Variants in NKAIN2 observed in about 807,000 individuals in gnomAD.
The protein encoded by NKAIN2 is sodium/potassium transporting ATPase interacting 2.
NKAIN2 carries 14 observed loss-of-function variants against 32.6 expected under a neutral mutation model. The ratio of observed to expected loss-of-function variants is 0.43; its 90% CI spans 0.28 to 0.67. The LOEUF is 0.67. Ranked by LOEUF, NKAIN2 falls within the 30% of genes least tolerant of loss-of-function variation. The pLI is 0.17. For missense variants in NKAIN2, 198 were observed against 258.3 expected, an observed-to-expected ratio of 0.77 and a Z score of 1.60; for synonymous variants, 80 against 87.2, an observed-to-expected ratio of 0.92 and a Z score of 0.46.
At chr6:124,358,036 T>C (rs1027869877) in intron 3 of NKAIN2, among the ~76,000 whole-genome samples, 3 of 152,222 alleles carry the variant, frequency 2.0e-5, no homozygotes, top group Non-Finnish European at 2.9e-5. Flanking sequence ...TTTGGTTTTT[T>C]GTCCTTGCAA....
At chr6:124,278,593 CAT>C (rs57946723) in intron 1 of NKAIN2, among the ~76,000 whole-genome samples, 4 of 137,292 alleles carry the variant, frequency 2.9e-5, no homozygotes, top group Admixed American at 7.6e-5. Flanking sequence ...AGCTTATATA[CAT>C]ATATATATAC....
chr6:124,626,807 C>T (rs904821396), intron 3 of NKAIN2, among the ~76,000 whole-genome samples: 3 of 152,112 alleles, frequency 2.0e-5, no homozygotes, highest in African/African-American at 7.2e-5. Flanking sequence ...TAAAAACAGA[C>T]CTAGTTTTAC....
At chr6:124,653,990 T>C (rs888983405) in intron 3 of NKAIN2, among the ~76,000 whole-genome samples, 35 of 152,110 alleles carry the variant, frequency 2.3e-4, no homozygotes, top group African/African-American at 8.2e-4. Context: ...AATGCAAATT[T>C]TGTAATATTC....
At chr6:124,607,567 A>G (rs1250472534) in intron 3 of NKAIN2, among the ~76,000 whole-genome samples, 1 of 152,154 alleles carries the variant, frequency 6.6e-6, no homozygotes, top group Non-Finnish European at 1.5e-5. Context: ...GATAGTCTCA[A>G]GCTAATGGCC....
chr6:124,049,543 G>A (rs1782308705), intron 1 of NKAIN2, among the ~76,000 whole-genome samples: 2 of 152,050 alleles, frequency 1.3e-5, no homozygotes, highest in South Asian at 4.1e-4. Flanking sequence ...CCTGTTATGT[G>A]CAGTTTTACT....
chr6:124,154,406 CTGTT>C (rs1397527054), intron 1 of NKAIN2, among the ~76,000 whole-genome samples: 1 of 151,796 alleles, frequency 6.6e-6, no homozygotes, highest in Non-Finnish European at 1.5e-5. Flanking sequence ...CATTATTTGT[CTGTT>C]TGAGACATTT....
At chr6:124,715,518 A>C (rs564533347) in intron 4 of NKAIN2, among the ~76,000 whole-genome samples, 3 of 152,344 alleles carry the variant, frequency 2.0e-5, no homozygotes, top group Admixed American at 6.5e-5. Context: ...AGATCTAGGA[A>C]GAATCCATGC....
chr6:124,783,620 C>T (rs1281351011), intron 4 of NKAIN2, among the ~76,000 whole-genome samples: 2 of 152,040 alleles, frequency 1.3e-5, no homozygotes, highest in Non-Finnish European at 2.9e-5. Flanking sequence ...AATAGTCCAG[C>T]CAGTGGATTA....
intron 1 of NKAIN2, among the ~76,000 whole-genome samples, chr6:123,846,334 T>G (rs1775089939): frequency 6.6e-6 from 1 of 152,318 alleles, no homozygotes; most frequent in African/African-American, 2.4e-5. Flanking sequence ...TAGGTTGTGC[T>G]TTTGCCTCAG....
rs541720029 is a variant in NKAIN2, at chr6:124,643,056, G to A, written c.274-15130G>A. On this transcript the variant is annotated intron_variant, in intron 3 of 6. Transcript: ENST00000368417. Reference sequence around the variant, plus strand: ...ATGACTACTATTAAATACAGCACCTGTACTGGTTGCACCACATATCTCCTG... The same window carrying A: ...ATGACTACTATTAAATACAGCACCTATACTGGTTGCACCACATATCTCCTG... 4.6e-5 allele frequency among the ~76,000 whole-genome samples: 7 copies of A among 152,208 alleles called. No individual in the cohort carries two copies. In the East Asian group the frequency reaches 1.4e-3, roughly 29 times the overall value.
chr6:124,688,689 A>G (rs534138668), intron 4 of NKAIN2, among the ~76,000 whole-genome samples: 1 of 152,062 alleles, frequency 6.6e-6, no homozygotes, highest in Admixed American at 6.6e-5. Context: ...CTGTCTCTAT[A>G]CTTCTGTCTT....
intron 5 of NKAIN2, among the ~76,000 whole-genome samples, chr6:124,798,539 T>C (rs570762177): frequency 1.1e-4 from 16 of 152,284 alleles, no homozygotes; most frequent in African/African-American, 3.6e-4. Context: ...TCTCTCACTA[T>C]GCCTACAGAA....
chr6:124,645,935 C>T (rs930584447), intron 3 of NKAIN2, among the ~76,000 whole-genome samples: 2 of 152,104 alleles, frequency 1.3e-5, no homozygotes, highest in Admixed American at 6.6e-5. Context: ...TACCCACTGC[C>T]TCACCCTCAC....
At chr6:123,817,807 G>A (rs940386088) in intron 1 of NKAIN2, among the ~76,000 whole-genome samples, 12 of 152,152 alleles carry the variant, frequency 7.9e-5, no homozygotes, top group Non-Finnish European at 1.2e-4. Context: ...AGTAAAAGAA[G>A]ATTGGAAGGT....
intron 1 of NKAIN2, among the ~76,000 whole-genome samples, chr6:123,869,852 A>G (rs189391238): frequency 6.1e-5 from 9 of 147,506 alleles, no homozygotes; most frequent in Admixed American, 4.2e-4. Context: ...ACAAATTTTA[A>G]GGCAGTCTTA....
At chr6:124,151,776 T>G (rs1021980611) in intron 1 of NKAIN2, among the ~76,000 whole-genome samples, 1 of 152,030 alleles carries the variant, frequency 6.6e-6, no homozygotes, top group African/African-American at 2.4e-5. Context: ...AATATGCTTA[T>G]TATGCATCTT....
At chr6:124,003,863 A>C (rs1562302814) in intron 1 of NKAIN2, among the ~76,000 whole-genome samples, 1 of 152,170 alleles carries the variant, frequency 6.6e-6, no homozygotes, top group Admixed American at 6.5e-5. Flanking sequence ...TACAGAGTAC[A>C]TGCTTAAATA....
chr6:123,852,803 C>T (rs764023985), intron 1 of NKAIN2, among the ~76,000 whole-genome samples: 1 of 152,104 alleles, frequency 6.6e-6, no homozygotes, highest in Non-Finnish European at 1.5e-5. Context: ...TTCTTCTTAT[C>T]CCTTCCTGAA....
At chr6:124,270,889 T>G (rs1356503724) in intron 1 of NKAIN2, among the ~76,000 whole-genome samples, 1 of 152,174 alleles carries the variant, frequency 6.6e-6, no homozygotes, top group African/African-American at 2.4e-5. Context: ...TGGGCCTTCT[T>G]GGGTGTTTTG....
Sources: allele counts gnomAD v4.1 joint callset (sites outside exome capture counted in the v4.1 genomes callset), GRCh38; gene constraint gnomAD v4.1.1; transcripts MANE v1.5; gene names NCBI Gene and HGNC (gene_info 2026-07-23, HGNC 2026-07-21).